Variants in ATP9A observed in about 807,000 individuals in gnomAD.
The protein encoded by ATP9A is ATPase phospholipid transporting 9A.
In ATP9A, 52 loss-of-function variants were observed where a neutral mutation model predicts 144.1. The ratio of observed to expected loss-of-function variants is 0.36; its 90% CI spans 0.29 to 0.45. The LOEUF is 0.45. Ranked by LOEUF, ATP9A falls within the 20% of genes least tolerant of loss-of-function variation. The probability of loss-of-function intolerance (pLI) is 1.00; values close to 1 mark genes in which losing one functional copy is unlikely to be tolerated. For synonymous variants in ATP9A, 582 were observed against 557.4 expected (o/e 1.04, Z -0.62); for missense variants, 947 against 1,392.7 (o/e 0.68, Z 5.09).
Position 51,626,315 on chromosome 20 carries a change from C to T in ATP9A, c.1846-953G>A, listed in dbSNP as rs542452059. On this transcript the variant is annotated intron_variant, in intron 17 of 27. Coordinates refer to ENST00000338821, the MANE Select transcript of ATP9A (RefSeq NM_006045.3). ...ACCAGCCTGGCCAACATGGCAAAAC[C>T]GTGTCTCTACTAAAAATACAAAAAT... Among the ~76,000 whole-genome samples, 3 of 152,018 alleles carry T rather than the reference C, an allele frequency of 2.0e-5. No homozygotes were observed. The South Asian group carries it at 6.2e-4, about 32-fold the overall frequency.
intron 1 of ATP9A, among the ~76,000 whole-genome samples, chr20:51,759,356 C>A (rs1443176855): frequency 6.6e-6 from 1 of 152,196 alleles, no homozygotes; most frequent in East Asian, 1.9e-4. Flanking sequence ...CTCCCTCCAC[C>A]ACATCAAAGA....
rs556806242 is a variant in ATP9A at position 51,735,189 on chromosome 20, C to CA, written c.69-5212dup. 47 of 152,114 alleles carry CA rather than the reference C, an allele frequency of 3.1e-4. 1 individual carries two copies. The East Asian group carries it at 3.7e-3, about 12-fold the overall frequency. 9.4% of individuals were successfully genotyped at this position (152,114 alleles called of 1,614,324 possible). On this transcript the variant is annotated intron_variant, in intron 1 of 27. Transcript: ENST00000338821. ...TAAGCCTGAGGCAGGGGGAAACAAA[C>CA]AAAAAAAAGAATAAAATAGCGCTGT... is the stretch of plus-strand genomic sequence containing the variant.
intron 1 of ATP9A, among the ~76,000 whole-genome samples, chr20:51,749,048 A>G (rs2077820560): frequency 6.6e-6 from 1 of 152,150 alleles, no homozygotes; most frequent in Admixed American, 6.6e-5. Flanking sequence ...ATTCAATTTA[A>G]TACTACAAAG....
intron 22 of ATP9A, among the ~76,000 whole-genome samples, chr20:51,615,569 G>A (rs528767163): frequency 6.6e-6 from 1 of 152,266 alleles, no homozygotes; most frequent in African/African-American, 2.4e-5. Context: ...AATGTTGAGA[G>A]AATAACCAGT....
intron 14 of ATP9A, among the ~76,000 whole-genome samples, chr20:51,650,958 G>T (rs2077361652): frequency 6.7e-6 from 1 of 149,998 alleles, no homozygotes; most frequent in African/African-American, 2.5e-5. Flanking sequence ...CTACAGAAAT[G>T]TGAAAGTCAT....
Position 51,674,203 on chromosome 20 carries a change from G to A in ATP9A, c.987C>T (p.Tyr329=), listed in dbSNP as rs752865962. ...AGAGGAGGAAGCGGATGATCTGCAG[G>A]TACCAACGGCCTGCAAAGTGCTGAA... ...VALQHFAGRW[Y]LQIIRFLLLF... The change falls in exon 11 of 28, where the codon TAC becomes TAT. Residue 329 remains tyrosine, a synonymous_variant. Transcript: ENST00000338821. The A allele has an allele frequency of 1.2e-6, 2 of 1,614,030 alleles. No homozygotes were observed. The highest frequency in any genetic ancestry group is 1.6e-4 in the Middle Eastern group (1 of 6,062).
At chr20:51,655,933 T>G (rs2122768323) in intron 14 of ATP9A, among the ~76,000 whole-genome samples, 1 of 152,268 alleles carries the variant, frequency 6.6e-6, no homozygotes, top group Admixed American at 6.5e-5. Context: ...ATAAACAGAT[T>G]ATTATTCAGT....
intron 22 of ATP9A, 73 bp downstream of exon 22, chr20:51,617,417 A>G (rs2077207637): frequency 1.4e-6 from 2 of 1,460,138 alleles, no homozygotes; most frequent in Non-Finnish European, 1.9e-6. Flanking sequence ...AGAAGGCTTA[A>G]AGCTGTGTCT....
chr20:51,675,489 C>T (rs1318176353), intron 10 of ATP9A, among the ~76,000 whole-genome samples: 1 of 152,158 alleles, frequency 6.6e-6, no homozygotes, highest in Non-Finnish European at 1.5e-5. Context: ...ATAAAGGAAG[C>T]ATGCACTCAC....
intron 22 of ATP9A, 40 bp from the exon 23 acceptor site, chr20:51,613,872 A>C (rs779898330): frequency 9.5e-6 from 15 of 1,571,460 alleles, no homozygotes; most frequent in Admixed American, 5.3e-5. Context: ...GAAGCACAAG[A>C]GGTCAGGGCA....
chr20:51,747,909 C>G (rs2077815343), intron 1 of ATP9A, among the ~76,000 whole-genome samples: 1 of 152,220 alleles, frequency 6.6e-6, no homozygotes, highest in South Asian at 2.1e-4. Flanking sequence ...ACCCTATGCT[C>G]TCATCTTTCC....
At chr20:51,652,641 C>A (rs2077371058) in intron 14 of ATP9A, among the ~76,000 whole-genome samples, 1 of 152,176 alleles carries the variant, frequency 6.6e-6, no homozygotes, top group Non-Finnish European at 1.5e-5. Context: ...TTGTATTTGG[C>A]AGTAGGCGGC....
At chr20:51,765,103 AGACAGCCT>A (rs1293655395) in intron 1 of ATP9A, among the ~76,000 whole-genome samples, 12 of 152,160 alleles carry the variant, frequency 7.9e-5, no homozygotes, top group Non-Finnish European at 1.5e-4. Flanking sequence ...AGTGTCCAGC[AGACAGCCT>A]GACCCATTAC....
intron 2 of ATP9A, among the ~76,000 whole-genome samples, chr20:51,728,345 G>A (rs527821020): frequency 1.2e-4 from 19 of 152,246 alleles, no homozygotes; most frequent in South Asian, 4.1e-4. Context: ...AAACATTCAC[G>A]GCTGGGAGCG....
At chr20:51,720,248 A>T (rs577816567) in intron 3 of ATP9A, among the ~76,000 whole-genome samples, 1 of 152,190 alleles carries the variant, frequency 6.6e-6, no homozygotes, top group Admixed American at 6.6e-5. Context: ...AAGATAACCA[A>T]TAAAAGGCAG....
At chr20:51,748,948 T>TAGATAGATAGACAGAC (rs765791447) in intron 1 of ATP9A, among the ~76,000 whole-genome samples, 5,481 of 137,736 alleles carry the variant, frequency 0.04, 148 homozygotes, top group African/African-American at 0.053. Context: ...GATAGATAGA[T>TAGATAGATAGACAGAC]AGACAGACAG....
chr20:51,604,754 T>G, intron 27 of ATP9A, 63 bp downstream of exon 27: 3 of 1,372,264 alleles, frequency 2.2e-6, no homozygotes, highest in Non-Finnish European at 2.9e-6. Context: ...CATACGGCAG[T>G]GAGACCTCTG....
Position 51,627,699 on chromosome 20 carries a change from C to A in ATP9A, c.1762-16G>T. 6.2e-7 allele frequency: 1 copy of A among 1,611,948 alleles called. No homozygotes were observed. Among genetic ancestry groups the A allele is most frequent in the Non-Finnish European group, 8.5e-7 (1 of 1,178,134 alleles). ...TGTTGCCACACTGAAAAATAGACCA[C>A]GGTCGAGTGGGAGCGGTGCTGAGAG... On this transcript the variant is annotated splice_polypyrimidine_tract_variant and intron_variant, in intron 16 of 27. Transcript: ENST00000338821.
At chr20:51,607,621 G>GT (rs1568782471) in intron 25 of ATP9A, 37 bp from the exon 26 acceptor site, 8 of 1,549,958 alleles carry the variant, frequency 5.2e-6, no homozygotes, top group Non-Finnish European at 7.1e-6. Flanking sequence ...AGCCGGTTTC[G>GT]CGGGGGGCTC....
Sources: gnomAD v4.1 joint callset for allele counts (sites outside exome capture counted in the v4.1 genomes callset) on GRCh38, gnomAD v4.1.1 for gene constraint, MANE v1.5 for transcripts, NCBI Gene and HGNC (gene_info 2026-07-23, HGNC 2026-07-21) for gene names.